Variants in IMMP2L observed in about 807,000 individuals in gnomAD.
The protein encoded by IMMP2L is inner mitochondrial membrane peptidase subunit 2, also known as mitochondrial inner membrane protease subunit 2.
Under a neutral mutation model 19.3 loss-of-function variants are expected in IMMP2L, and 18 were observed. The ratio of observed to expected loss-of-function variants is 0.93; its 90% CI spans 0.64 to 1.38. The LOEUF is 1.38. Among genes scored for constraint, IMMP2L ranks in the 40% most tolerant of loss-of-function variants. The probability of loss-of-function intolerance (pLI) is 0.00; values close to 1 mark genes in which losing one functional copy is unlikely to be tolerated. For synonymous variants in IMMP2L, 76 were observed against 73.0 expected, an observed-to-expected ratio of 1.04 and a Z score of -0.21; for missense variants, 233 against 218.2, an observed-to-expected ratio of 1.07 and a Z score of -0.43.
intron 3 of IMMP2L, among the ~76,000 whole-genome samples, chr7:111,381,699 A>G (rs913189054): frequency 3.9e-5 from 6 of 151,988 alleles, no homozygotes; most frequent in African/African-American, 1.2e-4. Flanking sequence ...AGCTCAAAAG[A>G]AGAAAGAAAA....
chr7:110,694,566 T>C (rs1434658987), intron 5 of IMMP2L, among the ~76,000 whole-genome samples: 4 of 152,148 alleles, frequency 2.6e-5, no homozygotes, highest in African/African-American at 9.7e-5. Context: ...TTATTAAGGC[T>C]TTCTGAGAAG....
intron 4 of IMMP2L, among the ~76,000 whole-genome samples, chr7:110,889,353 G>A (rs1810550475): frequency 1.3e-5 from 2 of 152,272 alleles, no homozygotes; most frequent in East Asian, 1.9e-4. Flanking sequence ...GTAACTAGAT[G>A]GTTCCCTCTG....
At chr7:111,269,270 T>C (rs1428440188) in intron 3 of IMMP2L, among the ~76,000 whole-genome samples, 2 of 152,218 alleles carry the variant, frequency 1.3e-5, no homozygotes, top group African/African-American at 4.8e-5. Flanking sequence ...TTTCATATTA[T>C]TATATTGTCT....
At chr7:110,947,284 T>TA (rs1817362053) in intron 4 of IMMP2L, among the ~76,000 whole-genome samples, 1 of 152,194 alleles carries the variant, frequency 6.6e-6, no homozygotes, top group South Asian at 2.1e-4. Context: ...ACTTTATTGT[T>TA]AAGGATGTTG....
At chr7:111,367,613 C>T (rs967451894) in intron 3 of IMMP2L, among the ~76,000 whole-genome samples, 5 of 151,886 alleles carry the variant, frequency 3.3e-5, no homozygotes, top group Non-Finnish European at 7.4e-5. Context: ...TTTCAATTTT[C>T]ACAGTTACTT....
At chr7:110,930,492 T>C (rs917533731) in intron 4 of IMMP2L, among the ~76,000 whole-genome samples, 5 of 152,136 alleles carry the variant, frequency 3.3e-5, no homozygotes, top group Non-Finnish European at 5.9e-5. Flanking sequence ...TTTTCACACA[T>C]TTATTATAAT....
At chr7:111,480,436 T>C (rs1323244936) in intron 3 of IMMP2L, among the ~76,000 whole-genome samples, 1 of 151,880 alleles carries the variant, frequency 6.6e-6, no homozygotes, top group Non-Finnish European at 1.5e-5. Context: ...GTTTAATCTA[T>C]ATCAAATAAT....
At chr7:111,391,808 G>A (rs748001470) in intron 3 of IMMP2L, 20 of 695,136 alleles carry the variant, frequency 2.9e-5, no homozygotes, top group South Asian at 2.8e-4. Context: ...CCTGAATAGA[G>A]GTCCTTAATA....
chr7:110,913,248 C>T (rs1239837742), intron 4 of IMMP2L, among the ~76,000 whole-genome samples: 2 of 152,008 alleles, frequency 1.3e-5, no homozygotes, highest in Non-Finnish European at 2.9e-5. Flanking sequence ...TGTACATGCC[C>T]AGCTAAAAAT....
intron 5 of IMMP2L, among the ~76,000 whole-genome samples, chr7:110,869,523 T>C (rs17158079): frequency 0.058 from 8,825 of 152,164 alleles, 347 homozygotes; most frequent in African/African-American, 0.092. Flanking sequence ...TTAAACAGTA[T>C]GTGAACACAG....
intron 5 of IMMP2L, among the ~76,000 whole-genome samples, chr7:110,721,176 C>G (rs573609736): frequency 6.6e-6 from 1 of 151,932 alleles, no homozygotes; most frequent in Non-Finnish European, 1.5e-5. Context: ...TGGACAGACA[C>G]TGACCCATTC....
intron 3 of IMMP2L, among the ~76,000 whole-genome samples, chr7:110,995,329 CTTGAG>C (rs1401807674): frequency 2.0e-5 from 3 of 152,100 alleles, no homozygotes; most frequent in African/African-American, 7.2e-5. Context: ...AAGGAGAAAA[CTTGAG>C]TTAATACCTG....
chr7:110,794,208 T>C (rs918125776), intron 5 of IMMP2L, among the ~76,000 whole-genome samples: 18 of 152,152 alleles, frequency 1.2e-4, no homozygotes, highest in South Asian at 6.2e-4. Flanking sequence ...TAGATATTTA[T>C]AGCAGCTTTA....
chr7:111,486,382 T>C (rs544997108), intron 3 of IMMP2L, among the ~76,000 whole-genome samples: 8 of 152,260 alleles, frequency 5.3e-5, no homozygotes, highest in African/African-American at 1.9e-4. Flanking sequence ...ATCCTTCCAA[T>C]TCAAGAATCA....
In IMMP2L at chr7:110,676,361, C is replaced by T. The variant is rs552326648; in HGVS notation, c.409-12640G>A. 6.8e-4 allele frequency among the ~76,000 whole-genome samples: 104 copies of T among 152,326 alleles called. No homozygotes were observed. The Middle Eastern group carries it at 0.017, about 25-fold the overall frequency. ...GAATATAACATTTGTTCCAATGAAA[C>T]TTGATTTACAAAAACAGGCAGCGAG... On this transcript the variant is annotated intron_variant, in intron 5 of 5. Transcript: ENST00000405709.
At chr7:110,998,044 T>C (rs1232119967) in intron 3 of IMMP2L, among the ~76,000 whole-genome samples, 1 of 152,134 alleles carries the variant, frequency 6.6e-6, no homozygotes, top group Non-Finnish European at 1.5e-5. Flanking sequence ...CCATAATGTA[T>C]CATTATTCTT....
chr7:110,906,012 C>A (rs1249795489), intron 4 of IMMP2L, among the ~76,000 whole-genome samples: 1 of 152,112 alleles, frequency 6.6e-6, no homozygotes, highest in African/African-American at 2.4e-5. Context: ...AGTTTCTTTA[C>A]GTTGGAATGA....
At chr7:110,916,594 T>C (rs1257765246) in intron 4 of IMMP2L, among the ~76,000 whole-genome samples, 1 of 152,212 alleles carries the variant, frequency 6.6e-6, no homozygotes, top group Non-Finnish European at 1.5e-5. Context: ...TTTTTACCTT[T>C]CCTACACTAC....
intron 3 of IMMP2L, among the ~76,000 whole-genome samples, chr7:111,013,901 A>G (rs1305727706): frequency 1.3e-5 from 2 of 152,112 alleles, no homozygotes; most frequent in African/African-American, 4.8e-5. Context: ...AAATTCTTTG[A>G]AAGACAAACA....
Sources: gnomAD v4.1 joint callset for allele counts (sites outside exome capture counted in the v4.1 genomes callset) on GRCh38, gnomAD v4.1.1 for gene constraint, MANE v1.5 for transcripts, NCBI Gene and HGNC (gene_info 2026-07-23, HGNC 2026-07-21) for gene names.